The following RLIG1 variants were observed in gnomAD, a reference collection of about 807,000 sequenced individuals.
The protein encoded by RLIG1 is RNA ligase 1.
chr12:88,041,809 C>A, the RLIG1 span: 5 of 152,210 alleles, frequency 3.3e-5, no homozygotes, highest in South Asian at 6.2e-4. Flanking sequence ...TCTTTATAAA[C>A]CTTGGATTTG....
the RLIG1 span, among the ~76,000 whole-genome samples, chr12:88,037,268 G>T: frequency 6.6e-6 from 1 of 152,044 alleles, no homozygotes; most frequent in African/African-American, 2.4e-5. Context: ...CCATTTCAGT[G>T]ATTTCCCCTA....
At chr12:88,041,867 A>G in the RLIG1 span, 1 of 152,184 alleles carries the variant, frequency 6.6e-6, no homozygotes, top group East Asian at 1.9e-4. Flanking sequence ...GATGTCTATT[A>G]AGAAACTATA....
the RLIG1 span, among the ~76,000 whole-genome samples, chr12:88,043,104 G>C: frequency 6.6e-6 from 1 of 151,750 alleles, no homozygotes; most frequent in African/African-American, 2.4e-5. Flanking sequence ...TGTAATATTT[G>C]TCACTTCTTT....
chr12:88,038,224 G>A, the RLIG1 span, among the ~76,000 whole-genome samples: 1 of 152,124 alleles, frequency 6.6e-6, no homozygotes, highest in Admixed American at 6.5e-5. Context: ...TGTGCTATCA[G>A]TGGGGCTGTA....
the RLIG1 span, chr12:88,048,830 T>C: frequency 5.4e-6 from 1 of 184,262 alleles, no homozygotes; most frequent in African/African-American, 2.3e-5. Context: ...GTATATATCA[T>C]AGGATTTGAG....
chr12:88,043,511 T>C, the RLIG1 span: 1 of 739,466 alleles, frequency 1.4e-6, no homozygotes, highest in Non-Finnish European at 2.2e-6. Flanking sequence ...TATGAGGTTT[T>C]AGTAGCTGTT....
the RLIG1 span, chr12:88,048,628 G>GTAA: frequency 2.8e-6 from 1 of 359,036 alleles, no homozygotes. Context: ...AAAAACATAA[G>GTAA]TAATAGTAAG....
At chr12:88,046,938 GGAA>G in the RLIG1 span, 5 of 1,611,898 alleles carry the variant, frequency 3.1e-6, no homozygotes, top group Non-Finnish European at 3.4e-6. Context: ...TAAAATTGAA[GGAA>G]TAGTGTGGCA....
chr12:88,047,801 C>T, the RLIG1 span, among the ~76,000 whole-genome samples: 1,145 of 152,270 alleles, frequency 7.5e-3, 20 homozygotes, highest in African/African-American at 0.026. Context: ...CACACTCACA[C>T]TGTGTTTGCT....
At chr12:88,035,925 C>CTTTT in the RLIG1 span, 2 of 1,514,846 alleles carry the variant, frequency 1.3e-6, no homozygotes, top group Non-Finnish European at 1.8e-6. Context: ...GGTTCTTGTA[C>CTTTT]TTTTCTTAGT....
the RLIG1 span, chr12:88,045,132 A>C: frequency 6.3e-6 from 1 of 157,592 alleles, no homozygotes; most frequent in African/African-American, 2.4e-5. Flanking sequence ...GAAGGGTAAT[A>C]GCAATAACAT....
chr12:88,045,174 T>G, the RLIG1 span: 2 of 167,244 alleles, frequency 1.2e-5, no homozygotes, highest in Non-Finnish European at 2.6e-5. Context: ...AATTGTTCGG[T>G]ATATATTGGA....
chr12:88,050,066 A>G, the RLIG1 span: 2 of 232,512 alleles, frequency 8.6e-6, no homozygotes, highest in Admixed American at 5.9e-5. Flanking sequence ...CAAAAAAAAA[A>G]TAAAGACACT....
At chr12:88,047,218 CT>C in the RLIG1 span, among the ~76,000 whole-genome samples, 1 of 152,100 alleles carries the variant, frequency 6.6e-6, no homozygotes, top group African/African-American at 2.4e-5. Flanking sequence ...TATATATCCC[CT>C]GCGTGGAAAT....
chr12:88,043,762 T>TGGCCGGGCGCGGTG, the RLIG1 span: 2 of 1,272,544 alleles, frequency 1.6e-6, no homozygotes, highest in Non-Finnish European at 2.2e-6. Flanking sequence ...ACTAGTAAAA[T>TGGCCGGGCGCGGTG]GATCAAAATA....
At chr12:88,049,368 G>A in the RLIG1 span, 1 of 1,561,152 alleles carries the variant, frequency 6.4e-7, no homozygotes, top group South Asian at 1.2e-5. Context: ...TTCAAAAAAT[G>A]AAGGATCAAA....
the RLIG1 span, chr12:88,048,432 AAAATT>A: frequency 3.1e-6 from 4 of 1,299,920 alleles, no homozygotes; most frequent in Non-Finnish European, 2.1e-6. Context: ...AAATGCAAAT[AAAATT>A]AGTTTATCAT....
chr12:88,046,922 A>G, the RLIG1 span: 125 of 1,612,712 alleles, frequency 7.8e-5, no homozygotes, highest in Non-Finnish European at 1.0e-4. Flanking sequence ...AAGATTGCAA[A>G]GAGGGTAAAA....
At chr12:88,038,117 A>C in the RLIG1 span, among the ~76,000 whole-genome samples, 1 of 152,134 alleles carries the variant, frequency 6.6e-6, no homozygotes, top group Admixed American at 6.6e-5. Flanking sequence ...AACAAAATCA[A>C]CTTCAAATCT....
Sources: allele counts gnomAD v4.1 joint callset (sites outside exome capture counted in the v4.1 genomes callset), GRCh38; gene constraint gnomAD v4.1.1; transcripts MANE v1.5; gene names NCBI Gene and HGNC (gene_info 2026-07-23, HGNC 2026-07-21).